Variants in ICA1 observed in about 807,000 individuals in gnomAD.
ICA1 encodes 69 kDa islet cell autoantigen.
ICA1 carries 40 observed loss-of-function variants against 71.0 expected under a neutral mutation model. The observed-to-expected ratio is 0.56, with a 90% CI of 0.44 to 0.73. ICA1 has a LOEUF of 0.73. Ranked by LOEUF, ICA1 falls within the 30% of genes least tolerant of loss-of-function variation. The pLI, the probability that ICA1 is intolerant of heterozygous loss-of-function variation, is 0.00. For synonymous variants in ICA1, 207 were observed against 209.5 expected, an observed-to-expected ratio of 0.99 and a Z score of 0.10; for missense variants, 578 against 576.5, an observed-to-expected ratio of 1.00 and a Z score of -0.03.
In ICA1 at chr7:8,235,960, G is replaced by A; in HGVS notation, c.-34C>T. 1 of 1,610,072 alleles carries A rather than the reference G, an allele frequency of 6.2e-7. No individual in the cohort carries two copies. Among genetic ancestry groups the A allele is most frequent in the African/African-American group, 1.3e-5 (1 of 74,868 alleles). On this transcript the variant is annotated 5_prime_UTR_variant, in exon 2 of 14. Coordinates refer to ENST00000402384, the MANE Select transcript of ICA1 (RefSeq NM_001136020.3). ...CTTCTTCTATTGTTGATGATTTGGG[G>A]AGAAGGGGCAGGAAAAAAGCATGAG...
intron 6 of ICA1, among the ~76,000 whole-genome samples, chr7:8,201,268 C>A (rs147569050): frequency 1.3e-5 from 2 of 152,270 alleles, no homozygotes; most frequent in East Asian, 3.9e-4. Context: ...TGCAGCAAGA[C>A]AATAAACTTG....
chr7:8,256,402 CT>C (rs1810201916), intron 1 of ICA1, among the ~76,000 whole-genome samples: 1 of 152,138 alleles, frequency 6.6e-6, no homozygotes, highest in African/African-American at 2.4e-5. Context: ...TCCGATAGAA[CT>C]ATTCCCTCTG....
intron 12 of ICA1, among the ~76,000 whole-genome samples, chr7:8,133,482 C>G (rs1792241914): frequency 6.6e-6 from 1 of 152,162 alleles, no homozygotes; most frequent in Non-Finnish European, 1.5e-5. Context: ...CTCTTGGTCT[C>G]AAGTGATCCT....
intron 10 of ICA1, among the ~76,000 whole-genome samples, chr7:8,140,580 T>C (rs932243510): frequency 6.6e-6 from 1 of 152,236 alleles, no homozygotes; most frequent in Non-Finnish European, 1.5e-5. Flanking sequence ...CTTGCCCTTT[T>C]GACTGTCAGC....
upstream of ICA1, chr7:8,262,374 A>C (rs534211091): frequency 6.6e-6 from 1 of 152,194 alleles, no homozygotes; most frequent in South Asian, 2.1e-4. Context: ...TCTACCCTCC[A>C]GCAGACGCCC....
At chr7:8,181,117 AC>A (rs1383261585) in intron 6 of ICA1, among the ~76,000 whole-genome samples, 4 of 152,184 alleles carry the variant, frequency 2.6e-5, no homozygotes, top group Middle Eastern at 3.4e-3. Flanking sequence ...CTGTCTTTGG[AC>A]TTTTAAGTCT....
At position 8,205,576 on chromosome 7, in the gene ICA1, A is replaced by T. The variant is rs190862264; in HGVS notation, c.579+12729T>A. On this transcript the variant is annotated intron_variant, in intron 6 of 13. Transcript: ENST00000402384. ...GGAGACCCTTATGAGAGTATTAAAAAATAAGCTAGTAATAAACAAATATTA... is the reference window on the plus strand; with the variant it reads ...GGAGACCCTTATGAGAGTATTAAAATATAAGCTAGTAATAAACAAATATTA... Among the ~76,000 whole-genome samples the T allele has an allele frequency of 3.5e-4, 54 of 152,378 alleles. No individual in the cohort carries two copies. The East Asian group carries it at 9.3e-3, about 26-fold the overall frequency.
intron 13 of ICA1, among the ~76,000 whole-genome samples, chr7:8,126,831 T>G (rs952091049): frequency 6.0e-4 from 91 of 152,248 alleles, no homozygotes; most frequent in African/African-American, 2.0e-3. Flanking sequence ...TTCAGAAGCC[T>G]GTGTGTTTAG....
intron 1 of ICA1, among the ~76,000 whole-genome samples, chr7:8,251,657 A>G (rs1808252365): frequency 6.6e-6 from 1 of 152,024 alleles, no homozygotes; most frequent in Admixed American, 6.6e-5. Context: ...TGAAACATTC[A>G]TCAGCCAGTT....
intron 3 of ICA1, 34 bp downstream of exon 3, chr7:8,232,556 G>T (rs1401955654): frequency 6.4e-7 from 1 of 1,567,676 alleles, no homozygotes. Flanking sequence ...TAGCAAGGTG[G>T]CTGTGTTGGG....
Position 8,243,119 on chromosome 7 carries a change from G to A in ICA1, c.-79-7114C>T, listed in dbSNP as rs140973375. ...CCTGGCAGAGACACAACAAAAAAAG[G>A]GAATTTTAGACCTATATCCCTGATA... is the stretch of plus-strand genomic sequence containing the variant. On this transcript the variant is annotated intron_variant, in intron 1 of 13. Coordinates refer to ENST00000402384, the MANE Select transcript of ICA1 (RefSeq NM_001136020.3). Among the ~76,000 whole-genome samples the A allele has an allele frequency of 2.0e-3, 299 of 152,138 alleles. 3 individuals carry two copies. The highest frequency in any genetic ancestry group is 6.9e-3 in the African/African-American group (285 of 41,520).
chr7:8,147,517 T>C (rs1797440000), intron 8 of ICA1, among the ~76,000 whole-genome samples: 1 of 152,116 alleles, frequency 6.6e-6, no homozygotes, highest in African/African-American at 2.4e-5. Context: ...TATGTACTTG[T>C]TGATTGATAA....
At chr7:8,138,940 G>C in intron 11 of ICA1, 45 bp downstream of exon 11, 1 of 1,597,232 alleles carries the variant, frequency 6.3e-7, no homozygotes, top group East Asian at 2.2e-5. Flanking sequence ...TGAGGAGTTT[G>C]AGTCAAATAA....
intron 12 of ICA1, among the ~76,000 whole-genome samples, chr7:8,131,182 A>G (rs1791309159): frequency 6.6e-6 from 1 of 152,216 alleles, no homozygotes; most frequent in Non-Finnish European, 1.5e-5. Flanking sequence ...AAGTCAACAC[A>G]TAGAGGGAAA....
intron 6 of ICA1, among the ~76,000 whole-genome samples, chr7:8,217,886 C>T (rs996628715): frequency 5.3e-5 from 8 of 152,142 alleles, no homozygotes; most frequent in East Asian, 3.8e-4. Context: ...CTGAACATAT[C>T]GCAAAACAAA....
intron 6 of ICA1, among the ~76,000 whole-genome samples, chr7:8,174,205 A>G (rs1288923749): frequency 6.6e-6 from 1 of 152,154 alleles, no homozygotes. Context: ...CTCTTTAATT[A>G]TGTATTTCTT....
chr7:8,259,033 T>C (rs968048492), intron 1 of ICA1, among the ~76,000 whole-genome samples: 14 of 152,176 alleles, frequency 9.2e-5, no homozygotes, highest in Non-Finnish European at 1.5e-4. Context: ...TGGGAGACCC[T>C]AGGGATCAGA....
Position 8,222,757 on chromosome 7 carries a change from G to GTTC in ICA1, c.257-1360_257-1359insGAA, listed in dbSNP as rs1797506809. Among the ~76,000 whole-genome samples the GTTC allele has an allele frequency of 6.6e-6, 1 of 152,130 alleles. No homozygotes were observed. Among genetic ancestry groups the GTTC allele is most frequent in the Non-Finnish European group, 1.5e-5 (1 of 68,034 alleles). On this transcript the variant is annotated intron_variant, in intron 4 of 13. Transcript: ENST00000402384. The surrounding 1 kb of genome is among the most constrained non-coding windows in gnomAD (Gnocchi z 4.8). ...CTCAAAAATCAAGTTCACCATCAAA[G>GTTC]GCCTGCTCGCAGGTTCCTTTCTCTG...
Position 8,161,586 on chromosome 7 carries a change from G to C in ICA1, c.580-2934C>G, listed in dbSNP as rs544289200. ...CCAGCCTGTTTCCACTTTCTCTCTT[G>C]CTTCTTTGAGAGGGCCATCAGAATA... is the stretch of plus-strand genomic sequence containing the variant. On this transcript the variant is annotated intron_variant, in intron 6 of 13. Transcript: ENST00000402384. 9.2e-5 allele frequency among the ~76,000 whole-genome samples: 14 copies of C among 152,298 alleles called. No individual in the cohort carries two copies. In the East Asian group the frequency reaches 2.5e-3, roughly 27 times the overall value.
Sources: allele counts gnomAD v4.1 joint callset (sites outside exome capture counted in the v4.1 genomes callset), GRCh38; gene constraint gnomAD v4.1.1; non-coding constraint Gnocchi (gnomAD v3.1); transcripts MANE v1.5; gene names NCBI Gene and HGNC (gene_info 2026-07-23, HGNC 2026-07-21).